The following PPARGC1A variants were observed in gnomAD, a reference collection of about 807,000 sequenced individuals.
PPARGC1A encodes PPARG coactivator 1 alpha.
PPARGC1A carries 25 observed loss-of-function variants against 88.7 expected under a neutral mutation model. That is an observed-to-expected ratio of 0.28 (90% CI 0.21 to 0.39). The LOEUF is 0.39. Among genes scored for constraint, PPARGC1A ranks in the 10% least tolerant of loss-of-function variants. PPARGC1A has a pLI of 1.00. For synonymous variants in PPARGC1A, 363 were observed against 355.6 expected (o/e 1.02, Z -0.24); for missense variants, 880 against 968.7 (o/e 0.91, Z 1.22).
At chr4:24,178,287 T>C in the PPARGC1A span, among the ~76,000 whole-genome samples, 1 of 152,236 alleles carries the variant, frequency 6.6e-6, no homozygotes, top group African/African-American at 2.4e-5. Flanking sequence ...TAGAGGGAGA[T>C]AGAGGCTATC....
chr4:24,320,784 C>T, the PPARGC1A span, among the ~76,000 whole-genome samples: 4 of 152,164 alleles, frequency 2.6e-5, no homozygotes, highest in Non-Finnish European at 4.4e-5. Flanking sequence ...TCACGAGAAA[C>T]ATATACAGAA....
intron 7 of PPARGC1A, among the ~76,000 whole-genome samples, chr4:23,815,460 G>C (rs1721811104): frequency 6.6e-6 from 1 of 152,152 alleles, no homozygotes. Flanking sequence ...TTATGAGACT[G>C]AGGGATTGAA....
chr4:24,255,758 C>T, the PPARGC1A span, among the ~76,000 whole-genome samples: 2 of 152,182 alleles, frequency 1.3e-5, no homozygotes, highest in Non-Finnish European at 2.9e-5. Flanking sequence ...AAACCCTGGA[C>T]CCAATTGCCT....
At chr4:24,182,945 C>A in the PPARGC1A span, among the ~76,000 whole-genome samples, 2 of 152,144 alleles carry the variant, frequency 1.3e-5, no homozygotes, top group African/African-American at 4.8e-5. Context: ...CAGACAGTAC[C>A]TTTGCCCACA....
At chr4:23,952,912 T>G in the PPARGC1A span, among the ~76,000 whole-genome samples, 1 of 152,090 alleles carries the variant, frequency 6.6e-6, no homozygotes, top group African/African-American at 2.4e-5. Flanking sequence ...GCATAGATTC[T>G]ATGTCCTGAA....
the PPARGC1A span, among the ~76,000 whole-genome samples, chr4:24,146,420 A>G: frequency 2.0e-5 from 3 of 152,234 alleles, no homozygotes; most frequent in Non-Finnish European, 4.4e-5. Context: ...CAAAGCTTCA[A>G]CAAAGAACCT....
chr4:24,437,366 A>G, the PPARGC1A span, among the ~76,000 whole-genome samples: 8 of 152,196 alleles, frequency 5.3e-5, no homozygotes, highest in African/African-American at 1.9e-4. Context: ...AAAGACAGAT[A>G]GCTGAACACC....
chr4:24,225,362 A>G, the PPARGC1A span, among the ~76,000 whole-genome samples: 4 of 152,070 alleles, frequency 2.6e-5, no homozygotes, highest in Non-Finnish European at 2.9e-5. Context: ...GAGGTCAGGA[A>G]ATTGAGACCA....
upstream of PPARGC1A, among the ~76,000 whole-genome samples, chr4:23,908,850 ATG>A (rs113440264): frequency 5.3e-4 from 80 of 152,320 alleles, no homozygotes; most frequent in African/African-American, 1.9e-3. Context: ...ATGTGTGGGA[ATG>A]TGTGTATCTG....
At chr4:24,087,859 A>T in the PPARGC1A span, among the ~76,000 whole-genome samples, 1 of 152,222 alleles carries the variant, frequency 6.6e-6, no homozygotes, top group East Asian at 1.9e-4. Flanking sequence ...CAACTCCATA[A>T]GTAAAAGCTG....
rs1335453292 is a variant in PPARGC1A, at chr4:23,795,329, A to ATATATT, written c.*492_*493insAATATA. 6.2e-3 allele frequency: 65 copies of ATATATT among 10,518 alleles called. No homozygotes were observed. Among genetic ancestry groups the ATATATT allele is most frequent in the East Asian group, 0.049 (34 of 690 alleles). 0.7% of individuals were successfully genotyped at this position (10,518 alleles called of 1,614,324 possible). ...TATATATATATATATATATATATATATTTCCTTTTGAATAGAATACGAACA... is the reference window on the plus strand; with the variant it reads ...TATATATATATATATATATATATATATATATTTTTCCTTTTGAATAGAATACGAACA... On this transcript the variant is annotated 3_prime_UTR_variant, in exon 13 of 13. Coordinates refer to ENST00000264867, the MANE Select transcript of PPARGC1A (RefSeq NM_013261.5).
At chr4:24,470,277 G>GACACACACACACACACACACACACAC in the PPARGC1A span, among the ~76,000 whole-genome samples, 107 of 110,718 alleles carry the variant, frequency 9.7e-4, 2 homozygotes, top group Middle Eastern at 5.2e-3. The surrounding 1 kb of genome is among the most constrained non-coding windows in gnomAD (Gnocchi z 5.8). Context: ...GACAGACACA[G>GACACACACACACACACACACACACAC]ACACACACAC....
At chr4:24,440,332 C>T in the PPARGC1A span, among the ~76,000 whole-genome samples, 67 of 152,268 alleles carry the variant, frequency 4.4e-4, no homozygotes, top group African/African-American at 1.5e-3. Flanking sequence ...CTTTCAAGCT[C>T]CTCATCGGTT....
chr4:24,214,195 A>C, the PPARGC1A span, among the ~76,000 whole-genome samples: 1 of 152,214 alleles, frequency 6.6e-6, no homozygotes, highest in African/African-American at 2.4e-5. Context: ...AGCTCCTCAG[A>C]ATACCATCTG....
Position 23,812,806 on chromosome 4 carries a change from ACT to A in PPARGC1A, c.1958_1959del (p.Glu653ValfsTer2). ...ERLKREEYRR[E>X]YEKRESERAK... is the part of the protein sequence containing the mutation. ...GCCCTCTCAGACTCTCGCTTCTCAT[ACT>A]CTCTGCGATATTCTTCCCTCTTCAG... is the stretch of plus-strand genomic sequence containing the variant. On this transcript the variant is annotated frameshift_variant, in exon 10 of 13. Transcript: ENST00000264867. LOFTEE classifies it high-confidence loss of function. 1 of 1,613,620 alleles carries A rather than the reference ACT, an allele frequency of 6.2e-7. No homozygotes were observed.
the PPARGC1A span, among the ~76,000 whole-genome samples, chr4:24,329,098 A>G: frequency 7.0e-3 from 1,058 of 152,114 alleles, 5 homozygotes; most frequent in Non-Finnish European, 0.011. Flanking sequence ...ACGGGCTGAC[A>G]AATGTGGAAC....
At chr4:24,251,556 G>T in the PPARGC1A span, among the ~76,000 whole-genome samples, 2 of 152,122 alleles carry the variant, frequency 1.3e-5, no homozygotes, top group African/African-American at 4.8e-5. Context: ...CTATCTGAAG[G>T]TCCTTCTTAA....
At chr4:24,322,060 CAAG>C in the PPARGC1A span, among the ~76,000 whole-genome samples, 1 of 152,178 alleles carries the variant, frequency 6.6e-6, no homozygotes, top group African/African-American at 2.4e-5. Flanking sequence ...ATAGCTTCCC[CAAG>C]AAGGCTTGCA....
intron 10 of PPARGC1A, among the ~76,000 whole-genome samples, chr4:23,808,571 T>C (rs1002156916): frequency 1.3e-5 from 2 of 152,138 alleles, no homozygotes; most frequent in Non-Finnish European, 2.9e-5. Context: ...AGACACTAAG[T>C]ACTAAACTCT....
Sources: gnomAD v4.1 joint callset for allele counts (sites outside exome capture counted in the v4.1 genomes callset) on GRCh38, gnomAD v4.1.1 for gene constraint, Gnocchi (gnomAD v3.1) non-coding constraint, MANE v1.5 for transcripts, NCBI Gene and HGNC (gene_info 2026-07-23, HGNC 2026-07-21) for gene names.